Variants in TMEM120B observed in about 807,000 individuals in gnomAD.
The protein encoded by TMEM120B is transmembrane protein 120B.
In TMEM120B, 31 loss-of-function variants were observed where a neutral mutation model predicts 55.5. That is an observed-to-expected ratio of 0.56 (90% CI 0.42 to 0.75). The LOEUF is 0.75. Among genes scored for constraint, TMEM120B ranks in the 30% least tolerant of loss-of-function variants. TMEM120B has a pLI of 0.00. For missense variants in TMEM120B, 399 were observed against 425.5 expected (o/e 0.94, Z 0.55); for synonymous variants, 203 against 176.3 (o/e 1.15, Z -1.20).
intron 1 of TMEM120B, among the ~76,000 whole-genome samples, chr12:121,739,867 C>G (rs183965717): frequency 2.0e-5 from 3 of 148,918 alleles, no homozygotes; most frequent in Admixed American, 1.4e-4. Flanking sequence ...CAATCTCCCC[C>G]TCCCGGGTTG....
chr12:121,746,823 T>C (rs1444208218), intron 2 of TMEM120B, among the ~76,000 whole-genome samples: 1 of 151,754 alleles, frequency 6.6e-6, no homozygotes, highest in Admixed American at 6.6e-5. Flanking sequence ...CTGGGCGTGG[T>C]GGCAGGCACC....
chr12:121,774,181 G>A (rs1392692394), intron 9 of TMEM120B, among the ~76,000 whole-genome samples: 1 of 151,972 alleles, frequency 6.6e-6, no homozygotes, highest in African/African-American at 2.4e-5. Flanking sequence ...GTCTCAAACT[G>A]CTGGCCTCAA....
intron 9 of TMEM120B, 46 bp downstream of exon 9, chr12:121,773,559 G>T: frequency 6.9e-7 from 1 of 1,446,260 alleles, no homozygotes; most frequent in South Asian, 1.3e-5. Context: ...TACTGGACCT[G>T]CCAGCTCCCC....
chr12:121,750,077 C>T (rs1873227956), intron 3 of TMEM120B, among the ~76,000 whole-genome samples: 1 of 151,902 alleles, frequency 6.6e-6, no homozygotes. Flanking sequence ...GTACCTTTGC[C>T]TCCACCTCAT....
At position 121,736,358 on chromosome 12, in the gene TMEM120B, C is replaced by T. The variant is rs368193776; in HGVS notation, c.70-7271C>T. 1.8e-4 allele frequency among the ~76,000 whole-genome samples: 26 copies of T among 145,778 alleles called. No homozygotes were observed. In the East Asian group the frequency reaches 2.1e-3, roughly 12 times the overall value. On this transcript the variant is annotated intron_variant, in intron 1 of 11. Transcript: ENST00000449592. Reference sequence around the variant, plus strand: ...TTTTTTTTTGTATTTTTAGTAGAGACGGGGTTTTACCATGTTAGCCAGGAT... The same window carrying T: ...TTTTTTTTTGTATTTTTAGTAGAGATGGGGTTTTACCATGTTAGCCAGGAT...
intron 8 of TMEM120B, 140 bp from the exon 9 acceptor site, chr12:121,773,281 G>C: frequency 1.5e-6 from 1 of 652,012 alleles, no homozygotes; most frequent in Non-Finnish European, 2.7e-6. Flanking sequence ...GTGTGTGGGC[G>C]TGGGAGAGGG....
intron 2 of TMEM120B, among the ~76,000 whole-genome samples, chr12:121,745,970 C>T (rs559037151): frequency 3.6e-4 from 54 of 151,948 alleles, no homozygotes; most frequent in African/African-American, 1.1e-3. Context: ...AAGTGATTCT[C>T]CTGCCTCAGC....
Position 121,781,185 on chromosome 12 carries a change from T to G in TMEM120B, c.*5463T>G. The stretch of plus-strand genomic sequence containing the variant: ...ACAGGGGCCGCAGCCGGTCATAGTC[T>G]TCTTGCCCTGAAAGCACAGAGCAGC... On this transcript the variant is annotated 3_prime_UTR_variant, in exon 12 of 12. Transcript: ENST00000449592. 1.9e-6 allele frequency: 3 copies of G among 1,614,158 alleles called. No individual in the cohort carries two copies. The highest frequency in any genetic ancestry group is 2.2e-5 in the East Asian group (1 of 44,884).
At chr12:121,774,960 T>C (rs1874186649) in intron 10 of TMEM120B, 102 bp from the exon 11 acceptor site, 8 of 1,302,132 alleles carry the variant, frequency 6.1e-6, no homozygotes, top group Non-Finnish European at 8.8e-6. Context: ...TTGTGGGTAG[T>C]TGATACCCAA....
At chr12:121,773,649 ATTC>A (rs1375019025) in intron 9 of TMEM120B, 136 bp downstream of exon 9, 2 of 633,088 alleles carry the variant, frequency 3.2e-6, no homozygotes, top group Non-Finnish European at 5.1e-6. Context: ...GCCTTCCAGA[ATTC>A]ATCCTGGATT....
intron 5 of TMEM120B, 151 bp from the exon 6 acceptor site, chr12:121,761,498 C>T (rs1012610263): frequency 3.2e-5 from 19 of 587,112 alleles, no homozygotes; most frequent in Non-Finnish European, 5.8e-5. Context: ...GACCAAGCTC[C>T]CCCTGCCTCC....
At chr12:121,763,466 T>G (rs1873747997) in intron 6 of TMEM120B, among the ~76,000 whole-genome samples, 1 of 150,980 alleles carries the variant, frequency 6.6e-6, no homozygotes, top group Non-Finnish European at 1.5e-5. Flanking sequence ...CTGGCCGAGA[T>G]GGAGTCTTGT....
chr12:121,772,290 A>T (rs1338749115), intron 8 of TMEM120B, among the ~76,000 whole-genome samples: 2 of 151,292 alleles, frequency 1.3e-5, no homozygotes, highest in Non-Finnish European at 2.9e-5. Flanking sequence ...CACCACGCCC[A>T]GCTAATTTTT....
chr12:121,768,912 G>A (rs1245039643), intron 6 of TMEM120B, among the ~76,000 whole-genome samples: 2 of 152,098 alleles, frequency 1.3e-5, no homozygotes, highest in Non-Finnish European at 1.5e-5. Context: ...TTGGGAGGCC[G>A]AGGCAGGTGG....
rs1417886433 is a variant in TMEM120B, at chr12:121,779,388, GCCCCA to G, written c.*3667_*3671del. ...GAATGTTCCAAGAGTCTAGCCGCAG[GCCCCA>G]GACACCATGAGCTGGAGGGTCGGGA... On this transcript the variant is annotated 3_prime_UTR_variant, in exon 12 of 12. Coordinates refer to ENST00000449592, the MANE Select transcript of TMEM120B (RefSeq NM_001080825.2). 4.8e-5 allele frequency: 56 copies of G among 1,175,194 alleles called. No individual in the cohort carries two copies. In the East Asian group the frequency reaches 1.2e-3, roughly 26 times the overall value. 72.8% of individuals were successfully genotyped at this position (1,175,194 alleles called of 1,614,324 possible).
intron 1 of TMEM120B, among the ~76,000 whole-genome samples, chr12:121,734,177 A>G (rs979631462): frequency 6.6e-6 from 1 of 152,048 alleles, no homozygotes; most frequent in Non-Finnish European, 1.5e-5. Flanking sequence ...GTGCTCTGTG[A>G]TGTCTGGTGC....
chr12:121,726,376 G>A (rs1160382814), intron 1 of TMEM120B, among the ~76,000 whole-genome samples: 6 of 151,166 alleles, frequency 4.0e-5, no homozygotes, highest in Non-Finnish European at 7.4e-5. Flanking sequence ...TCAGGAGATC[G>A]AGACCATCCT....
chr12:121,769,630 G>C (rs1019196415), intron 6 of TMEM120B, among the ~76,000 whole-genome samples: 1 of 152,186 alleles, frequency 6.6e-6, no homozygotes, highest in African/African-American at 2.4e-5. Flanking sequence ...CTTGACCTGG[G>C]AGGTCAGGGC....
At chr12:121,765,129 C>CTTTTCTTTCT (rs1873806319) in intron 6 of TMEM120B, among the ~76,000 whole-genome samples, 2 of 133,710 alleles carry the variant, frequency 1.5e-5, no homozygotes, top group African/African-American at 5.6e-5. Context: ...TCTTTTCTTT[C>CTTTTCTTTCT]TTTTTTTTTT....
Sources: gnomAD v4.1 joint callset for allele counts (sites outside exome capture counted in the v4.1 genomes callset) on GRCh38, gnomAD v4.1.1 for gene constraint, MANE v1.5 for transcripts, NCBI Gene and HGNC (gene_info 2026-07-23, HGNC 2026-07-21) for gene names.